Variants in EPHA3 observed in about 807,000 individuals in gnomAD.
The protein encoded by EPHA3 is EPH receptor A3.
Under a neutral mutation model 107.1 loss-of-function variants are expected in EPHA3, and 42 were observed. The observed-to-expected ratio is 0.39, with a 90% CI of 0.31 to 0.51. The LOEUF is 0.51. Ranked by LOEUF, EPHA3 falls within the 20% of genes least tolerant of loss-of-function variation. The pLI, the probability that EPHA3 is intolerant of heterozygous loss-of-function variation, is 0.78. For synonymous variants in EPHA3, 461 were observed against 424.8 expected (o/e 1.09, Z -1.05); for missense variants, 1,183 against 1,211.2 (o/e 0.98, Z 0.35).
chr3:89,415,467 A>AATATATATATAT (rs71621548), intron 10 of EPHA3, among the ~76,000 whole-genome samples: 8,874 of 131,058 alleles, frequency 0.068, 436 homozygotes, highest in African/African-American at 0.14. Context: ...TTACAGAAAG[A>AATATATATATAT]ATATATATAT....
intron 3 of EPHA3, among the ~76,000 whole-genome samples, chr3:89,259,192 T>C (rs187240215): frequency 5.3e-5 from 8 of 152,284 alleles, no homozygotes; most frequent in Admixed American, 6.5e-5. Flanking sequence ...TAGTTACCTC[T>C]CTGACCTTTG....
chr3:89,233,613 G>C (rs1704687147), intron 3 of EPHA3, among the ~76,000 whole-genome samples: 1 of 152,162 alleles, frequency 6.6e-6, no homozygotes, highest in African/African-American at 2.4e-5. Context: ...CAAGGGGAGA[G>C]TGAAAATTAT....
Position 89,341,746 on chromosome 3 carries a change from A to G in EPHA3, c.971-9A>G, listed in dbSNP as rs752656664. 1 of 1,596,224 alleles carries G rather than the reference A, an allele frequency of 6.3e-7. No individual in the cohort carries two copies. The highest frequency in any genetic ancestry group is 2.2e-5 in the East Asian group (1 of 44,760). ...GAGGCTCATTAATCTTTGTTGAACTACTTTGCAGGACCTCCATCTTCACCA... is the reference window on the plus strand; with the variant it reads ...GAGGCTCATTAATCTTTGTTGAACTGCTTTGCAGGACCTCCATCTTCACCA... On this transcript the variant is annotated splice_polypyrimidine_tract_variant and intron_variant, in intron 4 of 16. Transcript: ENST00000336596.
chr3:89,389,383 C>A (rs1455810520), intron 5 of EPHA3, among the ~76,000 whole-genome samples: 1 of 152,180 alleles, frequency 6.6e-6, no homozygotes. Flanking sequence ...AAAGAAAAAT[C>A]TTTCAACCAT....
intron 3 of EPHA3, among the ~76,000 whole-genome samples, chr3:89,266,717 ATTC>A (rs1345631505): frequency 1.3e-5 from 2 of 151,976 alleles, no homozygotes; most frequent in African/African-American, 4.8e-5. Flanking sequence ...GATCTCTATA[ATTC>A]TTCTGATATT....
intron 5 of EPHA3, among the ~76,000 whole-genome samples, chr3:89,391,324 A>T (rs1708726767): frequency 6.6e-6 from 1 of 151,628 alleles, no homozygotes; most frequent in Non-Finnish European, 1.5e-5. Flanking sequence ...CAGCTGTGTG[A>T]TGCATAAGCC....
At chr3:89,436,990 T>TGCAATTG (rs1709684478) in intron 13 of EPHA3, among the ~76,000 whole-genome samples, 1 of 152,228 alleles carries the variant, frequency 6.6e-6, no homozygotes, top group African/African-American at 2.4e-5. Context: ...TGTTGATATT[T>TGCAATTG]TCCATTATAC....
chr3:89,393,417 G>T (rs941799523), intron 5 of EPHA3, among the ~76,000 whole-genome samples: 1 of 152,120 alleles, frequency 6.6e-6, no homozygotes, highest in Non-Finnish European at 1.5e-5. Flanking sequence ...AATCCTCATC[G>T]CAATTGTTCT....
chr3:89,345,624 T>C (rs1272416014), intron 5 of EPHA3, among the ~76,000 whole-genome samples: 4 of 150,210 alleles, frequency 2.7e-5, no homozygotes, highest in African/African-American at 9.8e-5. Flanking sequence ...TTTTTCTTTT[T>C]TTTTTTTATA....
At position 89,191,921 on chromosome 3, in the gene EPHA3, A is replaced by C. The variant is rs540702164; in HGVS notation, c.154-17939A>C. Among the ~76,000 whole-genome samples the C allele has an allele frequency of 3.9e-5, 6 of 152,328 alleles. No homozygotes were observed. In the East Asian group the frequency reaches 1.2e-3, roughly 29 times the overall value. On this transcript the variant is annotated intron_variant, in intron 2 of 16. Transcript: ENST00000336596. The stretch of plus-strand genomic sequence containing the variant: ...GATTTCAATAAGATATATAATATAA[A>C]TCAAAGAAGCAGGTGCAGCTTTTAG...
rs777508142 is a variant in EPHA3 at position 89,407,281 on chromosome 3, C to T, written c.1607C>T (p.Ser536Phe). Residue 536 changes from serine to phenylalanine, a missense_variant, in exon 8 of 17, where the codon TCT (serine) becomes TTT (phenylalanine). Transcript: ENST00000336596. ...TTCAACCTCACAGCTTTCTCCATCTCTGGTGAAAGTAGCCAAGTGGTCATG... is the reference window on the plus strand; with the variant it reads ...TTCAACCTCACAGCTTTCTCCATCTTTGGTGAAAGTAGCCAAGTGGTCATG... ...FETSPDSFSISGESSQVVMIA... is the reference protein window; with the variant it reads ...FETSPDSFSIFGESSQVVMIA... 6.2e-7 allele frequency: 1 copy of T among 1,612,942 alleles called. No homozygotes were observed. Among genetic ancestry groups the T allele is most frequent in the Non-Finnish European group, 8.5e-7 (1 of 1,179,076 alleles).
At chr3:89,428,149 C>T (rs1298905229) in intron 11 of EPHA3, among the ~76,000 whole-genome samples, 1 of 151,932 alleles carries the variant, frequency 6.6e-6, no homozygotes, top group African/African-American at 2.4e-5. Flanking sequence ...CTATACTTAG[C>T]ACCTTTGTGT....
At chr3:89,242,318 G>C (rs989099289) in intron 3 of EPHA3, among the ~76,000 whole-genome samples, 62 of 152,190 alleles carry the variant, frequency 4.1e-4, no homozygotes, top group Non-Finnish European at 7.4e-5. Flanking sequence ...ACATTGATAA[G>C]AATGTTTCAA....
chr3:89,357,734 T>C (rs1285773166), intron 5 of EPHA3, among the ~76,000 whole-genome samples: 3 of 151,388 alleles, frequency 2.0e-5, no homozygotes, highest in African/African-American at 7.2e-5. Flanking sequence ...CATTGCCTAC[T>C]GTTCCATTAA....
At chr3:89,418,378 C>G (rs537995322) in intron 10 of EPHA3, among the ~76,000 whole-genome samples, 1 of 151,422 alleles carries the variant, frequency 6.6e-6, no homozygotes, top group East Asian at 2.0e-4. Flanking sequence ...GGTATCTGCT[C>G]TAAGTGAGCT....
chr3:89,291,449 A>G lies in EPHA3; in HGVS notation c.815-49467A>G, dbSNP rs565512261. Among the ~76,000 whole-genome samples the G allele has an allele frequency of 7.6e-4, 116 of 152,272 alleles. 1 individual carries two copies. The highest frequency in any genetic ancestry group is 2.7e-3 in the African/African-American group (112 of 41,564). On this transcript the variant is annotated intron_variant, in intron 3 of 16. Transcript: ENST00000336596. ...CTAGAAATTATGTAATGTGACAAAG[A>G]AAAAGATAGAGACAGATATATAGAG...
rs779282250 is a variant in EPHA3 at position 89,408,108 on chromosome 3, G to T, written c.1739G>T (p.Arg580Ile). 8.1e-6 allele frequency: 13 copies of T among 1,612,812 alleles called. No homozygotes were observed. Among genetic ancestry groups the T allele is most frequent in the Admixed American group, 3.3e-5 (2 of 59,958 alleles). ...YKSKHGADEK[R>I]LHFGNGHLKL... ...TCAAAACATGGGGCAGATGAAAAAA[G>T]ACTTCATTTTGGCAATGGGCATTGT... is the stretch of plus-strand genomic sequence containing the variant. The change falls in exon 9 of 17, where the codon AGA becomes ATA. Residue 580 changes from arginine (R) to isoleucine (I), a missense_variant. Arg to Ile is a moderately conservative substitution (Grantham distance 97). Coordinates refer to ENST00000336596, the MANE Select transcript of EPHA3 (RefSeq NM_005233.6).
chr3:89,426,940 G>A (rs1452231483), intron 11 of EPHA3, among the ~76,000 whole-genome samples: 2 of 151,730 alleles, frequency 1.3e-5, no homozygotes, highest in Admixed American at 1.3e-4. Context: ...CAGTCTCTAG[G>A]GAACTGATAC....
intron 3 of EPHA3, among the ~76,000 whole-genome samples, chr3:89,257,549 G>A (rs865860516): frequency 6.6e-5 from 10 of 152,078 alleles, no homozygotes; most frequent in South Asian, 2.1e-4. Context: ...TTATTTGAAA[G>A]CCAGAAAGTG....
Sources: allele counts gnomAD v4.1 joint callset (sites outside exome capture counted in the v4.1 genomes callset), GRCh38; gene constraint gnomAD v4.1.1; transcripts MANE v1.5; gene names NCBI Gene and HGNC (gene_info 2026-07-23, HGNC 2026-07-21).